GSN: variants seen among roughly 807,000 people sequenced by gnomAD.
GSN encodes gelsolin, also known as actin-depolymerizing factor.
GSN carries 56 observed loss-of-function variants against 85.7 expected under a neutral mutation model. The ratio of observed to expected loss-of-function variants is 0.65; its 90% CI spans 0.53 to 0.82. The LOEUF (loss-of-function observed/expected upper bound fraction) is 0.82. Ranked by LOEUF, GSN falls within the 40% of genes least tolerant of loss-of-function variation. GSN has a pLI of 0.00. For synonymous variants in GSN, 373 were observed against 399.1 expected, an observed-to-expected ratio of 0.93 and a Z score of 0.78; for missense variants, 857 against 979.8, an observed-to-expected ratio of 0.87 and a Z score of 1.67.
intron 2 of GSN, among the ~76,000 whole-genome samples, chr9:121,287,627 A>AGC (rs1342559069): frequency 1.3e-5 from 2 of 151,480 alleles, no homozygotes; most frequent in African/African-American, 4.9e-5. Flanking sequence ...ACCCACAGGG[A>AGC]GCGCCCTTCT....
chr9:121,269,264 C>T (rs1472713623), intron 1 of GSN, among the ~76,000 whole-genome samples: 3 of 152,158 alleles, frequency 2.0e-5, no homozygotes, highest in Non-Finnish European at 1.5e-5. Flanking sequence ...GCACCAGGAC[C>T]TCTCACCGCT....
intron 1 of GSN, among the ~76,000 whole-genome samples, chr9:121,268,578 A>G (rs1296868168): frequency 6.6e-6 from 1 of 152,140 alleles, no homozygotes; most frequent in Non-Finnish European, 1.5e-5. Context: ...CCGGGCATGC[A>G]GGGGACCACC....
At chr9:121,227,985 T>C (rs2054302623) in intron 4 of GSN, among the ~76,000 whole-genome samples, 1 of 152,028 alleles carries the variant, frequency 6.6e-6, no homozygotes, top group South Asian at 2.1e-4. Context: ...GGGGGCTAGT[T>C]AGTGCACCCA....
At chr9:121,322,351 A>C (rs369797529) in intron 11 of GSN, among the ~76,000 whole-genome samples, 125 of 152,364 alleles carry the variant, frequency 8.2e-4, no homozygotes, top group Middle Eastern at 6.8e-3. Context: ...CAATAATGTC[A>C]GTACATAGAG....
At chr9:121,252,440 G>A (rs540952897) in intron 6 of GSN, among the ~76,000 whole-genome samples, 1 of 152,328 alleles carries the variant, frequency 6.6e-6, no homozygotes, top group Admixed American at 6.5e-5. Flanking sequence ...AAAAGATCTT[G>A]AATGCTACAT....
At position 121,318,569 on chromosome 9, in the gene GSN, G is replaced by C; in HGVS notation, c.975+75G>C. 6.9e-7 allele frequency: 1 copy of C among 1,453,800 alleles called. No individual in the cohort carries two copies. Among genetic ancestry groups the C allele is most frequent in the Non-Finnish European group, 9.7e-7 (1 of 1,033,824 alleles). 90.1% of individuals were successfully genotyped at this position (1,453,800 alleles called of 1,614,324 possible). ...GGGGATGGGCTGGAGTAGGGCGGGTGTCCCACCCTCAGTGTGGATGGGGTA... is the reference window on the plus strand; with the variant it reads ...GGGGATGGGCTGGAGTAGGGCGGGTCTCCCACCCTCAGTGTGGATGGGGTA... On this transcript the variant is annotated intron_variant, in intron 9 of 17. Coordinates refer to ENST00000432226, the MANE Select transcript of GSN (RefSeq NM_198252.3). This position sits in a 1 kb window ranked among gnomAD's most constrained non-coding sequence, Gnocchi z 4.3.
intron 5 of GSN, among the ~76,000 whole-genome samples, chr9:121,244,184 T>C (rs1440194049): frequency 6.6e-6 from 1 of 152,228 alleles, no homozygotes; most frequent in Admixed American, 6.5e-5. Context: ...GTTTGTTCCT[T>C]TTTATCATTG....
Position 121,302,321 on chromosome 9 carries a change from C to A in GSN, c.196+154C>A, listed in dbSNP as rs954854103. Among the ~76,000 whole-genome samples, 9 of 152,202 alleles carry A rather than the reference C, an allele frequency of 5.9e-5. 1 individual carries two copies. The highest frequency in any genetic ancestry group is 2.2e-4 in the African/African-American group (9 of 41,454). On this transcript the variant is annotated intron_variant, in intron 3 of 17. Coordinates refer to ENST00000432226, the MANE Select transcript of GSN (RefSeq NM_198252.3). The stretch of plus-strand genomic sequence containing the variant: ...TCATGCCCTGAGACGCTAGAGCCAG[C>A]CTGGCCAAGTTCACACCCCCACTCT...
chr9:121,255,800 G>T (rs911728654), intron 6 of GSN, among the ~76,000 whole-genome samples: 2 of 152,118 alleles, frequency 1.3e-5, no homozygotes, highest in Non-Finnish European at 2.9e-5. Flanking sequence ...TTGTAAATAT[G>T]CCATTTTGCC....
At chr9:121,259,682 C>T (rs1035596701) in intron 6 of GSN, among the ~76,000 whole-genome samples, 2 of 151,438 alleles carry the variant, frequency 1.3e-5, no homozygotes, top group African/African-American at 4.8e-5. Context: ...AAGCTCAGAG[C>T]TTGTCTGGAT....
rs2054755644 is a variant in GSN, at chr9:121,248,841, T to G, written c.-341+518T>G. ...GGGAAAGAAGGCGAGTAGGTGAGGC[T>G]GGTGCTAGATCAAGGAAGGCCTTGG... is the stretch of plus-strand genomic sequence containing the variant. On this transcript the variant is annotated intron_variant, in intron 6 of 24. Coordinates refer to the GSN transcript ENST00000373823. Among the ~76,000 whole-genome samples the G allele has an allele frequency of 2.0e-5, 3 of 152,136 alleles. 1 individual carries two copies. In the South Asian group the frequency reaches 6.2e-4, roughly 31 times the overall value.
At chr9:121,260,436 A>T (rs2055057672) in intron 6 of GSN, among the ~76,000 whole-genome samples, 1 of 152,256 alleles carries the variant, frequency 6.6e-6, no homozygotes. Flanking sequence ...TATAAATTCC[A>T]GATGTAAAGT....
chr9:121,293,515 G>A (rs960629841), intron 2 of GSN, among the ~76,000 whole-genome samples: 6 of 151,878 alleles, frequency 4.0e-5, no homozygotes, highest in South Asian at 2.1e-4. Flanking sequence ...CTGGGAGGCC[G>A]AGGAGGGCAG....
intron 4 of GSN, among the ~76,000 whole-genome samples, chr9:121,224,674 G>A (rs920974886): frequency 6.7e-6 from 1 of 149,402 alleles, no homozygotes; most frequent in African/African-American, 2.5e-5. Flanking sequence ...AATGACTGGG[G>A]ACCCATCAGT....
At chr9:121,225,720 T>A (rs944391772) in intron 4 of GSN, among the ~76,000 whole-genome samples, 1 of 152,162 alleles carries the variant, frequency 6.6e-6, no homozygotes, top group Admixed American at 6.5e-5. Context: ...GTAAAATGGG[T>A]CTATTGAGAC....
intron 10 of GSN, among the ~76,000 whole-genome samples, chr9:121,319,112 C>T (rs2062072949): frequency 6.6e-6 from 1 of 152,214 alleles, no homozygotes; most frequent in Non-Finnish European, 1.5e-5. Context: ...GGGGAGTTGA[C>T]CATAGCCACA....
intron 6 of GSN, among the ~76,000 whole-genome samples, chr9:121,251,563 G>A (rs922531947): frequency 6.6e-6 from 1 of 152,032 alleles, no homozygotes; most frequent in Non-Finnish European, 1.5e-5. Flanking sequence ...TTAAATATAA[G>A]AAATAATATT....
At position 121,272,112 on chromosome 9, in the gene GSN, TG is replaced by T. The variant is rs1252349647; in HGVS notation, c.-103+3894del. On this transcript the variant is annotated intron_variant, in intron 1 of 17. Coordinates refer to ENST00000432226, the MANE Select transcript of GSN (RefSeq NM_198252.3). ...AAATATCTCCTCGCTTTCAACGGAG[TG>T]AGCGTGTGTCATATTTCAGCCTGAT... Among the ~76,000 whole-genome samples the T allele has an allele frequency of 3.9e-5, 6 of 152,080 alleles. No homozygotes were observed. The South Asian group carries it at 6.2e-4, about 16-fold the overall frequency.
chr9:121,293,211 GC>G (rs1396292452), intron 2 of GSN, among the ~76,000 whole-genome samples: 2 of 152,186 alleles, frequency 1.3e-5, no homozygotes, highest in Admixed American at 1.3e-4. Context: ...CCCTAGGCAG[GC>G]AGGAGGGGAC....
Sources: allele counts gnomAD v4.1 joint callset (sites outside exome capture counted in the v4.1 genomes callset), GRCh38; gene constraint gnomAD v4.1.1; non-coding constraint Gnocchi (gnomAD v3.1); transcripts MANE v1.5; gene names NCBI Gene and HGNC (gene_info 2026-07-23, HGNC 2026-07-21).